The following TLN2 variants were observed in gnomAD, a reference collection of about 807,000 sequenced individuals.
TLN2 encodes the protein talin-2.
TLN2 carries 118 observed loss-of-function variants against 294.7 expected under a neutral mutation model. The ratio of observed to expected loss-of-function variants is 0.40; its 90% CI spans 0.34 to 0.47. The LOEUF (loss-of-function observed/expected upper bound fraction) is 0.47, where lower values mean the gene tolerates loss of function less well. Ranked by LOEUF, TLN2 falls within the 20% of genes least tolerant of loss-of-function variation. TLN2 has a pLI of 0.84. For synonymous variants in TLN2, 1,431 were observed against 1,304.5 expected (o/e 1.10, Z -2.09); for missense variants, 3,083 against 3,282.2 (o/e 0.94, Z 1.48).
At chr15:62,546,916 G>A (rs1289834114) in intron 1 of TLN2, among the ~76,000 whole-genome samples, 2 of 152,158 alleles carry the variant, frequency 1.3e-5, no homozygotes, top group Admixed American at 6.5e-5. Context: ...CCCTTGGTCC[G>A]TAATACTGCA....
At chr15:62,713,475 T>C (rs2059560952) in intron 22 of TLN2, among the ~76,000 whole-genome samples, 1 of 151,842 alleles carries the variant, frequency 6.6e-6, no homozygotes, top group Non-Finnish European at 1.5e-5. Flanking sequence ...GGTCAGGAGT[T>C]CAAGACCAGC....
chr15:62,663,320 C>G (rs376846430), intron 9 of TLN2, among the ~76,000 whole-genome samples: 2 of 151,866 alleles, frequency 1.3e-5, no homozygotes, highest in East Asian at 1.9e-4. Context: ...TTCATGAAAA[C>G]CTTCTTAGTC....
intron 1 of TLN2, among the ~76,000 whole-genome samples, chr15:62,571,209 C>T (rs2043838685): frequency 3.3e-5 from 5 of 152,164 alleles, no homozygotes; most frequent in Admixed American, 3.3e-4. Flanking sequence ...CACTTGGCAC[C>T]TTTTGCTTGC....
intron 1 of TLN2, among the ~76,000 whole-genome samples, chr15:62,578,028 C>G (rs1265933905): frequency 6.6e-6 from 1 of 152,052 alleles, no homozygotes; most frequent in Non-Finnish European, 1.5e-5. Context: ...TGAACTCATC[C>G]TTTTTTATGG....
chr15:62,655,499 G>T (rs756161638), intron 7 of TLN2, among the ~76,000 whole-genome samples: 4 of 152,032 alleles, frequency 2.6e-5, no homozygotes, highest in Non-Finnish European at 5.9e-5. Flanking sequence ...TATGCTCATA[G>T]CCTCAAGATC....
chr15:62,390,990 C>T (rs2140216228), intron 1 of TLN2, among the ~76,000 whole-genome samples: 1 of 152,376 alleles, frequency 6.6e-6, no homozygotes, highest in South Asian at 2.1e-4. Flanking sequence ...GCAGTCGGCG[C>T]CAGAGAGCGG....
At chr15:62,621,774 A>T (rs1374964443) in intron 3 of TLN2, among the ~76,000 whole-genome samples, 2 of 152,222 alleles carry the variant, frequency 1.3e-5, no homozygotes, top group Admixed American at 6.5e-5. Flanking sequence ...ATGGAACATC[A>T]TTACTTCAGA....
At chr15:62,710,720 CTTT>C (rs71287048) in intron 21 of TLN2, among the ~76,000 whole-genome samples, 4 of 77,044 alleles carry the variant, frequency 5.2e-5, no homozygotes, top group African/African-American at 1.4e-4. Context: ...TGCTGATGTC[CTTT>C]TTTTTTTTTT....
intron 12 of TLN2, among the ~76,000 whole-genome samples, chr15:62,687,078 C>T (rs2057346688): frequency 6.6e-6 from 1 of 152,190 alleles, no homozygotes; most frequent in African/African-American, 2.4e-5. Flanking sequence ...CCAGATGATT[C>T]TCAGTTCTGT....
intron 1 of TLN2, among the ~76,000 whole-genome samples, chr15:62,439,078 T>C (rs968915795): frequency 7.2e-5 from 11 of 152,256 alleles, no homozygotes; most frequent in African/African-American, 2.7e-4. Flanking sequence ...TTTATGCATA[T>C]GTATACAGTA....
At chr15:62,840,226 G>A (rs1299259385) in intron 58 of TLN2, among the ~76,000 whole-genome samples, 1 of 152,146 alleles carries the variant, frequency 6.6e-6, no homozygotes, top group Non-Finnish European at 1.5e-5. Context: ...CCAGAGCCTG[G>A]TACATAGTAA....
At chr15:62,423,108 T>A (rs2034505244) in intron 1 of TLN2, among the ~76,000 whole-genome samples, 1 of 152,182 alleles carries the variant, frequency 6.6e-6, no homozygotes, top group Non-Finnish European at 1.5e-5. Context: ...TAAAAAGTCA[T>A]TGGGACCTGG....
In TLN2 at chr15:62,820,224, G is replaced by A. The variant is rs560735903; in HGVS notation, c.6878-262G>A. ...CAGAGCAAAGCTCAAGCCTTGGTCC[G>A]TGAGATCATTTTTGAAGCTGCTTGG... is the stretch of plus-strand genomic sequence containing the variant. On this transcript the variant is annotated intron_variant, in intron 53 of 58. Transcript: ENST00000636159. Among the ~76,000 whole-genome samples the A allele has an allele frequency of 7.9e-5, 12 of 152,276 alleles. No homozygotes were observed. The South Asian group carries it at 2.1e-3, about 26-fold the overall frequency.
intron 14 of TLN2, among the ~76,000 whole-genome samples, chr15:62,695,045 C>T (rs906817013): frequency 6.6e-6 from 1 of 152,200 alleles, no homozygotes; most frequent in African/African-American, 2.4e-5. Flanking sequence ...GCACATAGCA[C>T]TTGCTATTAT....
At chr15:62,575,908 T>G (rs2044353318) in intron 1 of TLN2, among the ~76,000 whole-genome samples, 1 of 152,194 alleles carries the variant, frequency 6.6e-6, no homozygotes, top group African/African-American at 2.4e-5. Flanking sequence ...CCCAACTGTG[T>G]AGAGTGAAAT....
At chr15:62,487,377 G>A (rs1214906553) in intron 1 of TLN2, among the ~76,000 whole-genome samples, 1 of 152,142 alleles carries the variant, frequency 6.6e-6, no homozygotes, top group Non-Finnish European at 1.5e-5. Context: ...TAGAGCTCTG[G>A]ATGTTTTTAG....
intron 22 of TLN2, among the ~76,000 whole-genome samples, chr15:62,712,957 G>A (rs1319808564): frequency 6.6e-6 from 1 of 151,782 alleles, no homozygotes; most frequent in Non-Finnish European, 1.5e-5. Context: ...TATTTTAAAT[G>A]TATTTCTATG....
chr15:62,648,654 TCTC>T (rs1401361852), intron 4 of TLN2, among the ~76,000 whole-genome samples: 1 of 150,724 alleles, frequency 6.6e-6, no homozygotes, highest in Non-Finnish European at 1.5e-5. Flanking sequence ...TTTAAGCGAT[TCTC>T]CTGCCTCAGC....
chr15:62,417,721 T>C (rs2034168675), intron 1 of TLN2, among the ~76,000 whole-genome samples: 2 of 152,218 alleles, frequency 1.3e-5, no homozygotes, highest in African/African-American at 4.8e-5. Context: ...AGAGATTACG[T>C]ACTCTACTTG....
Sources: allele counts gnomAD v4.1 joint callset (sites outside exome capture counted in the v4.1 genomes callset), GRCh38; gene constraint gnomAD v4.1.1; transcripts MANE v1.5; gene names NCBI Gene and HGNC (gene_info 2026-07-23, HGNC 2026-07-21).